The following B3GAT2 variants were observed in gnomAD, a reference collection of about 807,000 sequenced individuals.
B3GAT2 encodes galactosylgalactosylxylosylprotein 3-beta-glucuronosyltransferase 2.
Under a neutral mutation model 27.8 loss-of-function variants are expected in B3GAT2, and 26 were observed. The ratio of observed to expected loss-of-function variants is 0.93; its 90% CI spans 0.68 to 1.30. The LOEUF is 1.30. B3GAT2 is among the 50% of genes most tolerant of loss of function. The probability of loss-of-function intolerance (pLI) is 0.00; values close to 1 mark genes in which losing one functional copy is unlikely to be tolerated. For missense variants in B3GAT2, 458 were observed against 459.0 expected (o/e 1.00, Z 0.02); for synonymous variants, 218 against 195.1 (o/e 1.12, Z -0.98).
rs111649713 is a variant in B3GAT2 at position 70,912,829 on chromosome 6, C to T, written c.592-18557G>A. On this transcript the variant is annotated intron_variant, in intron 1 of 3. Coordinates refer to ENST00000230053, the MANE Select transcript of B3GAT2 (RefSeq NM_080742.3). Reference sequence around the variant, plus strand: ...GCTTTTTTGGTTGGTAGGCTTTTTACTACTGATTCAATTTTGGAACTTGTT... The same window carrying T: ...GCTTTTTTGGTTGGTAGGCTTTTTATTACTGATTCAATTTTGGAACTTGTT... Among the ~76,000 whole-genome samples the T allele has an allele frequency of 2.3e-3, 343 of 152,158 alleles. 2 individuals carry two copies. The highest frequency in any genetic ancestry group is 8.0e-3 in the African/African-American group (332 of 41,526).
At position 70,859,068 on chromosome 6, in the gene B3GAT2, T is replaced by C. The variant is rs1410175836; in HGVS notation, c.*2595A>G. ...CATTTTGGCAATCTTGGTTTCTGTTTGGTCACTTGTTTTACCTTTAGAGCA... is the reference window on the plus strand; with the variant it reads ...CATTTTGGCAATCTTGGTTTCTGTTCGGTCACTTGTTTTACCTTTAGAGCA... On this transcript the variant is annotated 3_prime_UTR_variant, in exon 4 of 4. Coordinates refer to ENST00000230053, the MANE Select transcript of B3GAT2 (RefSeq NM_080742.3). 1.9e-5 allele frequency: 5 copies of C among 266,120 alleles called. No individual in the cohort carries two copies. The highest frequency in any genetic ancestry group is 3.5e-5 in the Non-Finnish European group (5 of 141,356). The allele number at this position is 266,120 out of a possible 1,614,324, so 16.5% of individuals were successfully genotyped here.
chr6:70,871,152 G>C (rs1044837973), intron 2 of B3GAT2, among the ~76,000 whole-genome samples: 1 of 139,192 alleles, frequency 7.2e-6, no homozygotes, highest in Non-Finnish European at 1.6e-5. Context: ...CACTTTACTA[G>C]TATTTTTTTT....
chr6:70,930,775 G>T (rs927495108), intron 1 of B3GAT2, among the ~76,000 whole-genome samples: 5 of 152,310 alleles, frequency 3.3e-5, no homozygotes, highest in African/African-American at 1.2e-4. Context: ...AGACAGTGTG[G>T]TGATTCCTCA....
At chr6:70,894,296 G>A in intron 1 of B3GAT2, 24 bp from the exon 2 acceptor site, 2 of 1,541,384 alleles carry the variant, frequency 1.3e-6, no homozygotes, top group Non-Finnish European at 1.8e-6. Flanking sequence ...AAAGACATGT[G>A]TTTTAAGTTT....
At chr6:70,878,582 GT>G (rs756246360) in intron 2 of B3GAT2, among the ~76,000 whole-genome samples, 2 of 148,760 alleles carry the variant, frequency 1.3e-5, no homozygotes, top group Admixed American at 6.7e-5. Flanking sequence ...TTGCTGCTGT[GT>G]TTTATTTAGA....
chr6:70,931,051 G>A (rs1256303126), intron 1 of B3GAT2, among the ~76,000 whole-genome samples: 1 of 152,132 alleles, frequency 6.6e-6, no homozygotes, highest in Non-Finnish European at 1.5e-5. Context: ...GGATGAAGCT[G>A]GAAACCATCA....
chr6:70,917,404 T>C (rs569355651), intron 1 of B3GAT2, among the ~76,000 whole-genome samples: 1 of 152,178 alleles, frequency 6.6e-6, no homozygotes, highest in East Asian at 1.9e-4. Flanking sequence ...TCTCCTTTAG[T>C]TCTGCTCTGA....
At chr6:70,922,012 G>C (rs1209171280) in intron 1 of B3GAT2, among the ~76,000 whole-genome samples, 6 of 152,114 alleles carry the variant, frequency 3.9e-5, no homozygotes, top group African/African-American at 1.4e-4. Context: ...GTACTCTGAT[G>C]GGGGTGCTGG....
At chr6:70,914,105 G>C (rs1772730436) in intron 1 of B3GAT2, among the ~76,000 whole-genome samples, 2 of 152,026 alleles carry the variant, frequency 1.3e-5, no homozygotes, top group African/African-American at 2.4e-5. Context: ...GTCTCTTGAA[G>C]ACAGCATACA....
At chr6:70,870,790 T>C (rs1272850817) in intron 2 of B3GAT2, among the ~76,000 whole-genome samples, 1 of 152,168 alleles carries the variant, frequency 6.6e-6, no homozygotes, top group East Asian at 1.9e-4. Flanking sequence ...TGTATACAAA[T>C]GGGTAGAGGG....
intron 2 of B3GAT2, among the ~76,000 whole-genome samples, chr6:70,871,222 GT>G (rs11367700): frequency 0.22 from 14,653 of 65,794 alleles, 1,268 homozygotes; most frequent in East Asian, 0.5. Context: ...TTTTTTTTTT[GT>G]TTTTTTTTTT....
intron 2 of B3GAT2, among the ~76,000 whole-genome samples, chr6:70,878,211 C>T (rs1020843236): frequency 2.0e-5 from 3 of 152,124 alleles, no homozygotes; most frequent in African/African-American, 7.2e-5. Context: ...CCATTTTCTA[C>T]AGCCTTTTGT....
chr6:70,950,302 T>A (rs56147001), intron 1 of B3GAT2, among the ~76,000 whole-genome samples: 82,018 of 132,464 alleles, frequency 0.62, 22,605 homozygotes, highest in African/African-American at 0.69. Flanking sequence ...AAAAAAAAAT[T>A]TTATTTTTCA....
At chr6:70,922,344 T>C (rs975237230) in intron 1 of B3GAT2, among the ~76,000 whole-genome samples, 2 of 152,186 alleles carry the variant, frequency 1.3e-5, no homozygotes, top group Non-Finnish European at 2.9e-5. Context: ...TGAGCAGCAC[T>C]CAATCTAATT....
chr6:70,896,551 T>C (rs1772390210), intron 1 of B3GAT2, among the ~76,000 whole-genome samples: 1 of 152,198 alleles, frequency 6.6e-6, no homozygotes, highest in Admixed American at 6.5e-5. Context: ...TCCCTTTTTA[T>C]ATCACCCATC....
intron 1 of B3GAT2, among the ~76,000 whole-genome samples, chr6:70,900,842 T>C (rs1014445374): frequency 6.6e-6 from 1 of 152,218 alleles, no homozygotes; most frequent in Non-Finnish European, 1.5e-5. Context: ...TGAATAAAGT[T>C]ATCGATCTTC....
chr6:70,857,883 G>A lies in B3GAT2; in HGVS notation c.*3780C>T, dbSNP rs2150014548. 1.3e-6 allele frequency: 2 copies of A among 1,599,038 alleles called. No homozygotes were observed. Among genetic ancestry groups the A allele is most frequent in the Non-Finnish European group, 1.7e-6 (2 of 1,171,932 alleles). ...TATAGAGATGAGTGCAACTACACGTGATAGCTCTGTCTTCATTCATTTTCT... is the reference window on the plus strand; with the variant it reads ...TATAGAGATGAGTGCAACTACACGTAATAGCTCTGTCTTCATTCATTTTCT... On this transcript the variant is annotated 3_prime_UTR_variant, in exon 4 of 4. Coordinates refer to ENST00000230053, the MANE Select transcript of B3GAT2 (RefSeq NM_080742.3).
At chr6:70,897,333 A>C (rs144548655) in intron 1 of B3GAT2, among the ~76,000 whole-genome samples, 1 of 152,172 alleles carries the variant, frequency 6.6e-6, no homozygotes, top group Non-Finnish European at 1.5e-5. Context: ...TCCGTGGCTC[A>C]TCTTTTCATT....
chr6:70,860,068 G>T lies in B3GAT2; in HGVS notation c.*1595C>A. 1.0e-6 allele frequency: 1 copy of T among 979,376 alleles called. No individual in the cohort carries two copies. Among genetic ancestry groups the T allele is most frequent in the Non-Finnish European group, 1.5e-6 (1 of 685,102 alleles). 60.7% of individuals were successfully genotyped at this position (979,376 alleles called of 1,614,324 possible). ...TATTTGCTTTAAGAAATATTTGTAT[G>T]GTACTCTGTTTTTATTCCAGTGCTT... is the stretch of plus-strand genomic sequence containing the variant. On this transcript the variant is annotated 3_prime_UTR_variant, in exon 4 of 4. Coordinates refer to ENST00000230053, the MANE Select transcript of B3GAT2 (RefSeq NM_080742.3).
Sources: allele counts gnomAD v4.1 joint callset (sites outside exome capture counted in the v4.1 genomes callset), GRCh38; gene constraint gnomAD v4.1.1; transcripts MANE v1.5; gene names NCBI Gene and HGNC (gene_info 2026-07-23, HGNC 2026-07-21).